DNAH14: variants seen among roughly 807,000 people sequenced by gnomAD.
DNAH14 encodes axonemal beta dynein heavy chain 14.
DNAH14 carries 478 observed loss-of-function variants against 520.9 expected under a neutral mutation model. That is an observed-to-expected ratio of 0.92 (90% confidence interval 0.85 to 0.99). The LOEUF is 0.99. Ranked by LOEUF, DNAH14 falls within the 50% of genes least tolerant of loss-of-function variation. The pLI is 0.00. For synonymous variants in DNAH14, 1,581 were observed against 1,757.2 expected (o/e 0.90, Z 2.51); for missense variants, 4,831 against 5,234.5 (o/e 0.92, Z 2.38).
chr1:225,233,145 T>C (rs1250546983), intron 42 of DNAH14, among the ~76,000 whole-genome samples: 1 of 152,194 alleles, frequency 6.6e-6, no homozygotes, highest in Non-Finnish European at 1.5e-5. Context: ...TCTCATTCCT[T>C]TTTATGGCTG....
chr1:225,163,347 A>C (rs1230061610), intron 35 of DNAH14, among the ~76,000 whole-genome samples: 3 of 151,934 alleles, frequency 2.0e-5, no homozygotes, highest in Admixed American at 6.6e-5. Flanking sequence ...GATGCCCTTT[A>C]TTTCTTTCTC....
Position 225,140,926 on chromosome 1 carries a change from A to G in DNAH14, c.4413A>G (p.Leu1471=), listed in dbSNP as rs1245900736. 1 of 1,551,382 alleles carries G rather than the reference A, an allele frequency of 6.4e-7. No homozygotes were observed. Among genetic ancestry groups the G allele is most frequent in the African/African-American group, 1.4e-5 (1 of 73,138 alleles). The change falls in exon 28 of 86, where the codon CTA becomes CTG. Residue 1471 remains leucine (L), a synonymous_variant. Coordinates refer to ENST00000682510, the MANE Select transcript of DNAH14 (RefSeq NM_001367479.1). The part of the protein sequence containing the change: ...DTSNSRTKAI[L]GALLILYVHC... Reference sequence around the variant, plus strand: ...GTAACTCTCGAACAAAAGCTATACTAGGGGCATTGCTTATCCTTTATGTTC... The same window carrying G: ...GTAACTCTCGAACAAAAGCTATACTGGGGGCATTGCTTATCCTTTATGTTC...
Position 225,134,779 on chromosome 1 carries a change from A to T in DNAH14, c.4255-5989A>T, listed in dbSNP as rs193141026. 1.4e-4 allele frequency among the ~76,000 whole-genome samples: 21 copies of T among 152,140 alleles called. No individual in the cohort carries two copies. The East Asian group carries it at 4.1e-3, about 29-fold the overall frequency. On this transcript the variant is annotated intron_variant, in intron 27 of 85. Coordinates refer to ENST00000682510, the MANE Select transcript of DNAH14 (RefSeq NM_001367479.1). ...GAGTCCTTCCTCTTCAATTTTTTGG[A>T]ATGGTTTCAGTAGAAATAGTACCAG... is the stretch of plus-strand genomic sequence containing the variant.
intron 1 of DNAH14, among the ~76,000 whole-genome samples, chr1:224,931,683 C>T (rs1322847870): frequency 6.6e-6 from 1 of 152,108 alleles, no homozygotes; most frequent in Non-Finnish European, 1.5e-5. Flanking sequence ...TTGTAGCTCC[C>T]ACATATAAGT....
intron 28 of DNAH14, among the ~76,000 whole-genome samples, chr1:225,142,159 CATT>C (rs994534025): frequency 6.6e-6 from 1 of 151,942 alleles, no homozygotes; most frequent in African/African-American, 2.4e-5. Flanking sequence ...TCTAGTGTGT[CATT>C]ATTACTTTTT....
intron 23 of DNAH14, 27 bp downstream of exon 23, chr1:225,100,911 T>G: frequency 7.0e-7 from 1 of 1,438,090 alleles, no homozygotes; most frequent in Non-Finnish European, 9.2e-7. Context: ...TCTAAAGCAG[T>G]GAATCATTTA....
intron 42 of DNAH14, among the ~76,000 whole-genome samples, chr1:225,237,174 T>G (rs543345072): frequency 6.6e-6 from 1 of 152,256 alleles, no homozygotes; most frequent in East Asian, 1.9e-4. Context: ...TATCTGGTTA[T>G]TTTGCAGACT....
chr1:224,954,877 T>C (rs1045725474), intron 2 of DNAH14, 82 bp from the exon 3 acceptor site: 1 of 1,077,830 alleles, frequency 9.3e-7, no homozygotes, highest in Non-Finnish European at 1.3e-6. Flanking sequence ...AATGTGAAAT[T>C]TTGGTAATAT....
At chr1:225,268,775 T>C (rs785384) in intron 49 of DNAH14, among the ~76,000 whole-genome samples, 8 of 151,784 alleles carry the variant, frequency 5.3e-5, no homozygotes, top group Non-Finnish European at 1.0e-4. Context: ...TTACAAGGGA[T>C]GTGAAGGACC....
At chr1:225,150,590 G>C (rs145190108) in intron 31 of DNAH14, among the ~76,000 whole-genome samples, 1 of 152,280 alleles carries the variant, frequency 6.6e-6, no homozygotes, top group Admixed American at 6.5e-5. Context: ...TTATTGGTCT[G>C]TTCAGGGCTT....
chr1:225,186,484 G>A (rs1022294462), intron 37 of DNAH14, among the ~76,000 whole-genome samples: 8 of 151,786 alleles, frequency 5.3e-5, no homozygotes, highest in Non-Finnish European at 1.5e-5. Context: ...TGTGAAGACA[G>A]TAATTTGCTT....
intron 36 of DNAH14, among the ~76,000 whole-genome samples, chr1:225,177,742 T>A (rs980710901): frequency 1.3e-5 from 2 of 152,068 alleles, no homozygotes; most frequent in African/African-American, 4.8e-5. Flanking sequence ...TTTCAGAAGA[T>A]GTATGGAAAT....
chr1:225,005,909 C>A (rs1179488410), intron 9 of DNAH14, among the ~76,000 whole-genome samples: 1 of 152,052 alleles, frequency 6.6e-6, no homozygotes, highest in Non-Finnish European at 1.5e-5. Context: ...TGAATGAATT[C>A]TGAATAAAAT....
intron 61 of DNAH14, among the ~76,000 whole-genome samples, chr1:225,322,167 TC>T (rs1431392975): frequency 7.1e-6 from 1 of 140,586 alleles, no homozygotes; most frequent in Non-Finnish European, 1.5e-5. Context: ...CTTGGCTCAG[TC>T]CAGCCTCTGC....
chr1:225,312,955 C>T (rs762578542), intron 60 of DNAH14, among the ~76,000 whole-genome samples: 11 of 152,194 alleles, frequency 7.2e-5, no homozygotes, highest in Non-Finnish European at 1.2e-4. Flanking sequence ...ATGCTGGCCT[C>T]ATAAAATGAG....
At chr1:225,395,508 C>A (rs1277879810) in intron 84 of DNAH14, among the ~76,000 whole-genome samples, 1 of 150,280 alleles carries the variant, frequency 6.7e-6, no homozygotes, top group South Asian at 2.1e-4. Flanking sequence ...AGGAGAATGG[C>A]GTGAACCCAG....
intron 23 of DNAH14, among the ~76,000 whole-genome samples, chr1:225,107,321 G>A (rs2076143874): frequency 2.0e-5 from 3 of 152,210 alleles, no homozygotes; most frequent in Admixed American, 1.3e-4. Flanking sequence ...TCGGGGATCA[G>A]GGACCCACTT....
At chr1:225,154,471 C>T (rs1297729855) in intron 34 of DNAH14, among the ~76,000 whole-genome samples, 1 of 151,918 alleles carries the variant, frequency 6.6e-6, no homozygotes, top group Non-Finnish European at 1.5e-5. Context: ...AGACATATAA[C>T]AAAGCTTCAA....
At position 225,078,826 on chromosome 1, in the gene DNAH14, CT is replaced by C. The variant is rs1558883487; in HGVS notation, c.2425-380del. Reference sequence around the variant, plus strand: ...TCTCTCTCTCTCTCTCTCTCTCTCCCTCTCTCTCTCTCTCTCCCTCTCTCTC... The same window carrying C: ...TCTCTCTCTCTCTCTCTCTCTCTCCCCTCTCTCTCTCTCTCCCTCTCTCTC... On this transcript the variant is annotated intron_variant, in intron 17 of 85. Coordinates refer to ENST00000682510, the MANE Select transcript of DNAH14 (RefSeq NM_001367479.1). Among the ~76,000 whole-genome samples, 119 of 84,522 alleles carry C rather than the reference CT, an allele frequency of 1.4e-3. 2 individuals carry two copies. Among genetic ancestry groups the C allele is most frequent in the East Asian group, 0.011 (34 of 3,122 alleles). The allele number at this position is 84,522 out of a possible 152,430, so 55.4% of individuals were successfully genotyped here. A position where few individuals can be genotyped will look rare whatever the true frequency, so the allele number is the denominator to read the frequency against.
Sources: gnomAD v4.1 joint callset for allele counts (sites outside exome capture counted in the v4.1 genomes callset) on GRCh38, gnomAD v4.1.1 for gene constraint, MANE v1.5 for transcripts, NCBI Gene and HGNC (gene_info 2026-07-23, HGNC 2026-07-21) for gene names.